The following FRMD6 variants were observed in gnomAD, a reference collection of about 807,000 sequenced individuals.
FRMD6 encodes the protein FERM domain containing 6.
Under a neutral mutation model 73.2 loss-of-function variants are expected in FRMD6, and 37 were observed. The ratio of observed to expected loss-of-function variants is 0.51; its 90% CI spans 0.39 to 0.66. The LOEUF (loss-of-function observed/expected upper bound fraction) is 0.66. Among genes scored for constraint, FRMD6 ranks in the 30% least tolerant of loss-of-function variants. The pLI, the probability that FRMD6 is intolerant of heterozygous loss-of-function variation, is 0.00. For synonymous variants in FRMD6, 273 were observed against 282.2 expected (o/e 0.97, Z 0.33); for missense variants, 714 against 780.5 (o/e 0.91, Z 1.02).
chr14:51,468,027 G>A, the FRMD6 span, among the ~76,000 whole-genome samples: 1 of 152,138 alleles, frequency 6.6e-6, no homozygotes, highest in African/African-American at 2.4e-5. Context: ...GCGAGACTCA[G>A]TCTGCAATCC....
chr14:51,529,855 C>G (rs1024050610), intron 1 of FRMD6, among the ~76,000 whole-genome samples: 1 of 152,144 alleles, frequency 6.6e-6, no homozygotes, highest in Non-Finnish European at 1.5e-5. Context: ...TGGCACAAAC[C>G]AACAAAAGCA....
chr14:51,569,749 A>G (rs1366914983), intron 1 of FRMD6, among the ~76,000 whole-genome samples: 1 of 151,100 alleles, frequency 6.6e-6, no homozygotes, highest in Admixed American at 6.6e-5. Context: ...TGATGTGCCC[A>G]TGTCAGCCTC....
chr14:51,534,271 A>G (rs556155770), intron 1 of FRMD6, among the ~76,000 whole-genome samples: 7 of 152,334 alleles, frequency 4.6e-5, no homozygotes, highest in Non-Finnish European at 7.4e-5. Context: ...GCTTTTACCC[A>G]TATAATATCA....
Position 51,505,284 on chromosome 14 carries a change from T to C in FRMD6, c.-210+15864T>C, listed in dbSNP as rs552578977. ...CAGGGTCTCCTTATGTTGCCTAGGT[T>C]GGTCTCAAACTCCTGACCTCAAGCA... On this transcript the variant is annotated intron_variant, in intron 1 of 14. Coordinates refer to the FRMD6 transcript ENST00000356218. Among the ~76,000 whole-genome samples the C allele has an allele frequency of 1.1e-4, 17 of 152,346 alleles. No homozygotes were observed. The East Asian group carries it at 3.3e-3, about 29-fold the overall frequency.
At chr14:51,434,410 A>T in the FRMD6 span, among the ~76,000 whole-genome samples, 1 of 152,200 alleles carries the variant, frequency 6.6e-6, no homozygotes, top group African/African-American at 2.4e-5. Context: ...TTGTGATGCC[A>T]GAAGGTAAGG....
chr14:51,559,556 T>C (rs1887362249), intron 1 of FRMD6, among the ~76,000 whole-genome samples: 2 of 152,060 alleles, frequency 1.3e-5, no homozygotes, highest in South Asian at 4.1e-4. Flanking sequence ...CAAGCTAGAA[T>C]GACTCCTCTG....
At chr14:51,707,997 T>C in intron 6 of FRMD6, 81 bp from the exon 7 acceptor site, 4 of 1,365,740 alleles carry the variant, frequency 2.9e-6, no homozygotes, top group Non-Finnish European at 4.1e-6. Flanking sequence ...AGCTTCTCAT[T>C]CTTTCATCAT....
upstream of FRMD6, among the ~76,000 whole-genome samples, chr14:51,488,884 G>A (rs539843636): frequency 1.8e-4 from 27 of 152,294 alleles, 1 homozygote; most frequent in East Asian, 5.2e-3. Context: ...TGCTTTTTTT[G>A]TGGTATATTT....
intron 1 of FRMD6, among the ~76,000 whole-genome samples, chr14:51,560,130 G>A (rs1464379088): frequency 3.9e-5 from 6 of 152,110 alleles, no homozygotes; most frequent in Admixed American, 2.6e-4. Flanking sequence ...TATGGACATG[G>A]AATAAATCCA....
At chr14:51,472,487 T>C in the FRMD6 span, among the ~76,000 whole-genome samples, 17 of 152,222 alleles carry the variant, frequency 1.1e-4, 1 homozygote, top group South Asian at 3.1e-3. Context: ...GTATTTTTAG[T>C]AGAGACAGAG....
rs938274759 is a variant in FRMD6, at chr14:51,654,765, A to T, written c.-147+2769A>T. Among the ~76,000 whole-genome samples the T allele has an allele frequency of 7.7e-4, 117 of 152,162 alleles. 2 individuals are homozygous for T. Among genetic ancestry groups the T allele is most frequent in the South Asian group, 2.1e-4 (1 of 4,828 alleles). ...GGATCCCAGATGGCATTCACAAATT[A>T]TCCCTTAGGTAGTTTTCTGAGTTGA... is the stretch of plus-strand genomic sequence containing the variant. On this transcript the variant is annotated intron_variant, in intron 1 of 13. Transcript: ENST00000344768.
At chr14:51,437,218 G>A in the FRMD6 span, among the ~76,000 whole-genome samples, 1 of 152,054 alleles carries the variant, frequency 6.6e-6, no homozygotes, top group African/African-American at 2.4e-5. Context: ...TCCCACCTAT[G>A]AGTGAGAACA....
chr14:51,518,523 T>G (rs1884770218), intron 1 of FRMD6, among the ~76,000 whole-genome samples: 1 of 152,218 alleles, frequency 6.6e-6, no homozygotes, highest in South Asian at 2.1e-4. Context: ...AGGGGTGTTA[T>G]AAGGAGTCAG....
the FRMD6 span, among the ~76,000 whole-genome samples, chr14:51,472,994 G>A: frequency 1.3e-5 from 2 of 152,174 alleles, no homozygotes; most frequent in African/African-American, 4.8e-5. Flanking sequence ...TGATACCCTT[G>A]AGCAGTTTGG....
chr14:51,398,560 A>ATTT, the FRMD6 span, among the ~76,000 whole-genome samples: 3 of 149,424 alleles, frequency 2.0e-5, no homozygotes, highest in African/African-American at 7.4e-5. Flanking sequence ...AGCAAATTGC[A>ATTT]TTTTTTTTTT....
upstream of FRMD6, among the ~76,000 whole-genome samples, chr14:51,486,021 C>CCTTTT (rs1223326294): frequency 6.9e-6 from 1 of 145,872 alleles, no homozygotes; most frequent in African/African-American, 2.6e-5. Flanking sequence ...TGGATCACTT[C>CCTTTT]CTTTTCTTTT....
the FRMD6 span, among the ~76,000 whole-genome samples, chr14:51,465,356 A>G: frequency 6.6e-6 from 1 of 152,174 alleles, no homozygotes; most frequent in Admixed American, 6.5e-5. Flanking sequence ...TATGCATGCA[A>G]GCAACCACCA....
At chr14:51,704,996 T>C (rs893407049) in intron 6 of FRMD6, 61 bp downstream of exon 6, 4 of 1,432,370 alleles carry the variant, frequency 2.8e-6, no homozygotes, top group Non-Finnish European at 3.8e-6. Context: ...GTTCGTAGTG[T>C]TGCTACTCAT....
chr14:51,645,948 C>T (rs991744848), intron 2 of FRMD6, among the ~76,000 whole-genome samples: 3 of 152,074 alleles, frequency 2.0e-5, no homozygotes, highest in Non-Finnish European at 4.4e-5. Flanking sequence ...GCTGTACATG[C>T]GTATTCTGAA....
Sources: allele counts gnomAD v4.1 joint callset (sites outside exome capture counted in the v4.1 genomes callset), GRCh38; gene constraint gnomAD v4.1.1; transcripts MANE v1.5; gene names NCBI Gene and HGNC (gene_info 2026-07-23, HGNC 2026-07-21).